The following ATF2 variants were observed in gnomAD, a reference collection of about 807,000 sequenced individuals.
ATF2 encodes cyclic AMP-dependent transcription factor ATF-2.
ATF2 carries 24 observed loss-of-function variants against 60.6 expected under a neutral mutation model. The observed-to-expected ratio is 0.40, with a 90% confidence interval of 0.29 to 0.56. The LOEUF is 0.56. ATF2 is among the 20% of genes least tolerant of loss of function. The pLI is 0.54. For missense variants in ATF2, 433 were observed against 607.7 expected (o/e 0.71, Z 3.02); for synonymous variants, 206 against 215.4 (o/e 0.96, Z 0.38).
At chr2:175,102,292 A>G (rs1695364271) in intron 10 of ATF2, among the ~76,000 whole-genome samples, 1 of 152,216 alleles carries the variant, frequency 6.6e-6, no homozygotes. Context: ...TCTAAACAAA[A>G]GCTTTGCCAA....
intron 12 of ATF2, among the ~76,000 whole-genome samples, chr2:175,085,815 T>G (rs1383097681): frequency 6.6e-6 from 1 of 152,196 alleles, no homozygotes; most frequent in South Asian, 2.1e-4. Flanking sequence ...ACAACGTATA[T>G]TTGTGCTAAC....
intron 12 of ATF2, among the ~76,000 whole-genome samples, chr2:175,087,009 T>C (rs1296929371): frequency 1.3e-5 from 2 of 151,954 alleles, no homozygotes; most frequent in Non-Finnish European, 1.5e-5. Context: ...AAAACCAGTC[T>C]GCTTAAGCCA....
At chr2:175,136,772 G>A (rs1016928406) in intron 2 of ATF2, among the ~76,000 whole-genome samples, 1 of 152,082 alleles carries the variant, frequency 6.6e-6, no homozygotes, top group Non-Finnish European at 1.5e-5. Context: ...CATTAAAAGA[G>A]TAAAAAAATC....
chr2:175,156,364 CTG>C (rs1454014028), intron 1 of ATF2, among the ~76,000 whole-genome samples: 3 of 115,392 alleles, frequency 2.6e-5, no homozygotes, highest in African/African-American at 1.1e-4. Flanking sequence ...GAGCAAGACT[CTG>C]TCTCAAAAAA....
chr2:175,165,788 C>T (rs1005170608), intron 1 of ATF2, among the ~76,000 whole-genome samples: 1 of 152,196 alleles, frequency 6.6e-6, no homozygotes, highest in Non-Finnish European at 1.5e-5. Flanking sequence ...TCCGCCTCAG[C>T]CTCTCGAGTA....
At position 175,074,738 on chromosome 2, in the gene ATF2, G is replaced by A; in HGVS notation, c.1389C>T (p.Val463=). The A allele has an allele frequency of 1.2e-6, 2 of 1,613,498 alleles. No homozygotes were observed. The highest frequency in any genetic ancestry group is 1.7e-4 in the Middle Eastern group (1 of 6,058). ...CAGCTTCTGCCTTGGAGGTTGAACT[G>A]ACTCCATTGGATGTGCTGACCGAAC... The part of the protein sequence containing the change: ...QHSSVSTSNG[V]SSTSKAEAVA... Residue 463 remains valine (V), a synonymous_variant, in exon 14 of 14, where the codon GTC becomes GTT. Transcript: ENST00000264110.
At chr2:175,122,943 C>T (rs1451004323) in intron 4 of ATF2, among the ~76,000 whole-genome samples, 1 of 152,026 alleles carries the variant, frequency 6.6e-6, no homozygotes, top group African/African-American at 2.4e-5. Context: ...CTTTGGATTA[C>T]TTCACATGCC....
At chr2:175,126,585 CTT>C (rs1697352735) in intron 4 of ATF2, among the ~76,000 whole-genome samples, 1 of 152,114 alleles carries the variant, frequency 6.6e-6, no homozygotes, top group South Asian at 2.1e-4. Flanking sequence ...TTAACAATTC[CTT>C]ATGATACACA....
At chr2:175,101,801 T>C (rs1695329671) in intron 10 of ATF2, among the ~76,000 whole-genome samples, 3 of 152,174 alleles carry the variant, frequency 2.0e-5, no homozygotes, top group South Asian at 4.1e-4. Context: ...TCCATGCTGT[T>C]ACATTGATTA....
chr2:175,075,506 G>C (rs933803171), intron 13 of ATF2, among the ~76,000 whole-genome samples: 10 of 152,046 alleles, frequency 6.6e-5, no homozygotes, highest in Admixed American at 6.6e-4. Context: ...TAAGGAAAGG[G>C]CATTCTAAAT....
At chr2:175,137,613 G>T (rs772989084) in intron 2 of ATF2, among the ~76,000 whole-genome samples, 5 of 152,112 alleles carry the variant, frequency 3.3e-5, no homozygotes, top group Non-Finnish European at 5.9e-5. Context: ...CAATTAATTT[G>T]GTAGGAATAA....
Position 175,074,613 on chromosome 2 carries a change from C to T in ATF2, c.1514G>A (p.Ser505Asn), listed in dbSNP as rs143157308. 6.2e-7 allele frequency: 1 copy of T among 1,611,184 alleles called. No individual in the cohort carries two copies. The highest frequency in any genetic ancestry group is 1.7e-5 in the Admixed American group (1 of 59,580). ...APSSQSQPSG[S>N] ...TGTTGTACTGCAGGTTTTTAATCAA[C>T]TTCCTGAGGGCTGTGACTGGGAGGA... Residue 505 changes from serine to asparagine, a missense_variant, in exon 14 of 14, where the codon AGT becomes AAT. Ser to Asn is a conservative substitution (Grantham distance 46). Transcript: ENST00000264110.
chr2:175,156,628 A>C (rs1321638829), intron 1 of ATF2, among the ~76,000 whole-genome samples: 1 of 152,140 alleles, frequency 6.6e-6, no homozygotes, highest in East Asian at 1.9e-4. Context: ...GCTCATAGCC[A>C]GTAAGGAAAG....
chr2:175,157,505 G>A (rs1406263562), intron 1 of ATF2, among the ~76,000 whole-genome samples: 1 of 152,150 alleles, frequency 6.6e-6, no homozygotes, highest in East Asian at 1.9e-4. Context: ...GTGTGGTCAG[G>A]CCAGCGACTC....
rs548548827 is a variant in ATF2, at chr2:175,106,950, G to A, written c.828+4618C>T. On this transcript the variant is annotated intron_variant, in intron 10 of 13. Transcript: ENST00000264110. ...AGGCCGAGGAGGGTGGATTGCCTGA[G>A]CTCAGGAGTTCAAGACAAGCCTGGC... 1.6e-3 allele frequency among the ~76,000 whole-genome samples: 238 copies of A among 152,280 alleles called. 2 individuals are homozygous for A. The highest frequency in any genetic ancestry group is 5.5e-3 in the African/African-American group (228 of 41,560).
intron 10 of ATF2, among the ~76,000 whole-genome samples, chr2:175,103,129 A>C (rs1362001465): frequency 6.6e-6 from 1 of 152,216 alleles, no homozygotes; most frequent in Non-Finnish European, 1.5e-5. Context: ...AGAACTTAGT[A>C]GTAGGAACAA....
chr2:175,093,766 G>C (rs775795104), intron 11 of ATF2, among the ~76,000 whole-genome samples: 1 of 151,950 alleles, frequency 6.6e-6, no homozygotes, highest in Non-Finnish European at 1.5e-5. Context: ...TTTCTCTAAA[G>C]TTATGGAGTG....
chr2:175,157,555 T>A (rs190042699), intron 1 of ATF2, among the ~76,000 whole-genome samples: 1 of 152,240 alleles, frequency 6.6e-6, no homozygotes, highest in Admixed American at 6.5e-5. Context: ...ACTAAGTAGA[T>A]CCTATTGATT....
At chr2:175,087,184 C>T (rs1694228810) in intron 12 of ATF2, among the ~76,000 whole-genome samples, 1 of 152,116 alleles carries the variant, frequency 6.6e-6, no homozygotes, top group South Asian at 2.1e-4. Flanking sequence ...AGTTAGTATA[C>T]TTGCAGGATA....
Sources: gnomAD v4.1 joint callset for allele counts (sites outside exome capture counted in the v4.1 genomes callset) on GRCh38, gnomAD v4.1.1 for gene constraint, MANE v1.5 for transcripts, NCBI Gene and HGNC (gene_info 2026-07-23, HGNC 2026-07-21) for gene names.